The following EMCN variants were observed in gnomAD, a reference collection of about 807,000 sequenced individuals.
The protein encoded by EMCN is endomucin, also known as MUC-14.
Under a neutral mutation model 38.4 loss-of-function variants are expected in EMCN, and 37 were observed. The ratio of observed to expected loss-of-function variants is 0.96; its 90% confidence interval spans 0.74 to 1.27. The LOEUF (loss-of-function observed/expected upper bound fraction) is 1.27, where lower values mean the gene tolerates loss of function less well. Ranked by LOEUF, EMCN falls within the 50% of genes most tolerant of loss-of-function variation. The probability of loss-of-function intolerance (pLI) is 0.00; values close to 1 mark genes in which losing one functional copy is unlikely to be tolerated. For synonymous variants in EMCN, 95 were observed against 100.8 expected, an observed-to-expected ratio of 0.94 and a Z score of 0.35; for missense variants, 318 against 302.8, an observed-to-expected ratio of 1.05 and a Z score of -0.37.
At chr4:100,400,233 A>G (rs1255523041) in intron 11 of EMCN, among the ~76,000 whole-genome samples, 1 of 152,182 alleles carries the variant, frequency 6.6e-6, no homozygotes, top group Non-Finnish European at 1.5e-5. Context: ...TCAGATTGCT[A>G]TAACAGTTTT....
rs542726493 is a variant in EMCN at position 100,479,187 on chromosome 4, C to T, written c.187+730G>A. Among the ~76,000 whole-genome samples the T allele has an allele frequency of 6.6e-5, 10 of 152,210 alleles. No homozygotes were observed. In the East Asian group the frequency reaches 1.5e-3, roughly 24 times the overall value. On this transcript the variant is annotated intron_variant, in intron 2 of 11. Transcript: ENST00000296420. ...AGCATAAGAATTTCAGTTATCCATT[C>T]ATCAAGATATATGATTTTCTGGGGT...
intron 5 of EMCN, among the ~76,000 whole-genome samples, chr4:100,442,410 A>G (rs1578197376): frequency 6.6e-6 from 1 of 152,170 alleles, no homozygotes; most frequent in South Asian, 2.1e-4. Context: ...TTTGAGCTTT[A>G]TGAATCCAAA....
chr4:100,404,216 TA>T (rs1219761010), intron 11 of EMCN, among the ~76,000 whole-genome samples: 4 of 152,106 alleles, frequency 2.6e-5, no homozygotes, highest in African/African-American at 4.8e-5. Context: ...CAATCCATCT[TA>T]GTTGATTTTT....
chr4:100,445,757 T>C (rs1011064613), intron 5 of EMCN, among the ~76,000 whole-genome samples: 1 of 152,176 alleles, frequency 6.6e-6, no homozygotes, highest in Non-Finnish European at 1.5e-5. Context: ...GTTAATAAAT[T>C]TGTTAATTCA....
chr4:100,464,312 C>T (rs185811822), intron 4 of EMCN, among the ~76,000 whole-genome samples: 251 of 151,958 alleles, frequency 1.7e-3, no homozygotes, highest in African/African-American at 5.5e-3. Context: ...GAATTTTCTA[C>T]GTAGATAATT....
chr4:100,433,604 C>T (rs1027815722), intron 5 of EMCN, among the ~76,000 whole-genome samples: 27 of 151,572 alleles, frequency 1.8e-4, no homozygotes, highest in African/African-American at 5.1e-4. Context: ...GGTGCCATTT[C>T]GGCCCACTGC....
At chr4:100,475,302 T>TACACAAACACACACAC (rs1553930953) in intron 2 of EMCN, among the ~76,000 whole-genome samples, 193 bp from the exon 3 acceptor site, 1 of 143,040 alleles carries the variant, frequency 7.0e-6, no homozygotes, top group African/African-American at 2.6e-5. Flanking sequence ...TTGGGTGGCC[T>TACACAAACACACACAC]ACACACACAC....
At chr4:100,406,828 G>T (rs867030681) in intron 11 of EMCN, among the ~76,000 whole-genome samples, 1 of 152,076 alleles carries the variant, frequency 6.6e-6, no homozygotes, top group African/African-American at 2.4e-5. Context: ...CATCAGTGGG[G>T]TGTTGAAATC....
At chr4:100,411,586 G>A (rs908954615) in intron 10 of EMCN, among the ~76,000 whole-genome samples, 29 of 151,186 alleles carry the variant, frequency 1.9e-4, no homozygotes, top group African/African-American at 6.6e-4. Context: ...CACATATCTA[G>A]TGAAAAAAAA....
At chr4:100,467,319 C>G (rs755611224) in intron 3 of EMCN, among the ~76,000 whole-genome samples, 1 of 152,130 alleles carries the variant, frequency 6.6e-6, no homozygotes, top group Non-Finnish European at 1.5e-5. Flanking sequence ...TACTAATATA[C>G]AGAAATGCTT....
intron 3 of EMCN, among the ~76,000 whole-genome samples, chr4:100,466,349 G>A (rs1275947329): frequency 6.6e-6 from 1 of 152,216 alleles, no homozygotes; most frequent in Non-Finnish European, 1.5e-5. Context: ...CTCTAACACA[G>A]AGTAGAATGG....
At chr4:100,409,241 A>T (rs1272725865) in intron 11 of EMCN, among the ~76,000 whole-genome samples, 1 of 139,060 alleles carries the variant, frequency 7.2e-6, no homozygotes, top group African/African-American at 2.7e-5. Flanking sequence ...TTTATTTTTT[A>T]TTGTTAGTTG....
intron 3 of EMCN, 111 bp downstream of exon 3, chr4:100,474,927 A>T: frequency 2.2e-6 from 1 of 450,304 alleles, no homozygotes; most frequent in Non-Finnish European, 3.8e-6. Flanking sequence ...GTGGCTGTAA[A>T]ATCTTGTTAA....
intron 1 of EMCN, among the ~76,000 whole-genome samples, chr4:100,500,523 C>T (rs1481407465): frequency 6.6e-6 from 1 of 152,140 alleles, no homozygotes; most frequent in African/African-American, 2.4e-5. Flanking sequence ...TCTTCCACTA[C>T]TCTAGAGGTA....
chr4:100,403,708 C>T (rs1726319430), intron 11 of EMCN, among the ~76,000 whole-genome samples: 1 of 151,994 alleles, frequency 6.6e-6, no homozygotes, highest in South Asian at 2.1e-4. Context: ...TAAGCATTCC[C>T]TTTTCTCTAC....
At position 100,399,246 on chromosome 4, in the gene EMCN, C is replaced by G. The variant is rs528137635; in HGVS notation, c.*40-873G>C. On this transcript the variant is annotated intron_variant, in intron 11 of 11. Transcript: ENST00000296420. ...GATGGAGACTTCTATGTCCCAAGTACGAAAAGGGTAGTGGCCCAAACTGGC... is the reference window on the plus strand; with the variant it reads ...GATGGAGACTTCTATGTCCCAAGTAGGAAAAGGGTAGTGGCCCAAACTGGC... 1.4e-3 allele frequency among the ~76,000 whole-genome samples: 218 copies of G among 152,254 alleles called. 1 individual carries two copies. Among genetic ancestry groups the G allele is most frequent in the African/African-American group, 5.0e-3 (206 of 41,554 alleles).
intron 4 of EMCN, among the ~76,000 whole-genome samples, chr4:100,448,341 T>C (rs1388459125): frequency 1.3e-5 from 2 of 152,152 alleles, no homozygotes; most frequent in African/African-American, 4.8e-5. Context: ...ACTTGCTTCC[T>C]TTGTATATTC....
chr4:100,469,441 C>T (rs959042928), intron 3 of EMCN, among the ~76,000 whole-genome samples: 1 of 152,022 alleles, frequency 6.6e-6, no homozygotes, highest in Admixed American at 6.5e-5. Context: ...CTACATCAAA[C>T]TAAAAACCTA....
intron 3 of EMCN, among the ~76,000 whole-genome samples, chr4:100,466,104 A>T (rs745872701): frequency 4.6e-5 from 7 of 152,194 alleles, no homozygotes; most frequent in Non-Finnish European, 1.0e-4. Flanking sequence ...TTGAAAAAAA[A>T]ATTTACAACA....
Sources: gnomAD v4.1 joint callset for allele counts (sites outside exome capture counted in the v4.1 genomes callset) on GRCh38, gnomAD v4.1.1 for gene constraint, MANE v1.5 for transcripts, NCBI Gene and HGNC (gene_info 2026-07-23, HGNC 2026-07-21) for gene names.